Variants in CEP112 observed in about 807,000 individuals in gnomAD.
CEP112 encodes the protein centrosomal protein of 112 kDa.
In CEP112, 127 loss-of-function variants were observed where a neutral mutation model predicts 153.0. The observed-to-expected ratio is 0.83, with a 90% CI of 0.72 to 0.96. The LOEUF is 0.96. CEP112 is among the 40% of genes least tolerant of loss of function. The probability of loss-of-function intolerance (pLI) is 0.00; values close to 1 mark genes in which losing one functional copy is unlikely to be tolerated. For synonymous variants in CEP112, 358 were observed against 374.4 expected (o/e 0.96, Z 0.51); for missense variants, 1,089 against 1,101.2 (o/e 0.99, Z 0.16).
intron 16 of CEP112, among the ~76,000 whole-genome samples, chr17:66,010,214 T>G (rs1381338846): frequency 6.6e-6 from 1 of 152,200 alleles, no homozygotes; most frequent in Non-Finnish European, 1.5e-5. Context: ...TTATTCTTTT[T>G]GTGGCTAATG....
intron 21 of CEP112, among the ~76,000 whole-genome samples, chr17:65,814,482 G>A (rs1264080977): frequency 2.0e-5 from 3 of 152,134 alleles, no homozygotes; most frequent in African/African-American, 7.2e-5. Context: ...AAGAATAAAA[G>A]CACTTAATTT....
chr17:65,936,412 CTCATA>C (rs2061308568), intron 18 of CEP112, among the ~76,000 whole-genome samples: 1 of 152,152 alleles, frequency 6.6e-6, no homozygotes, highest in Non-Finnish European at 1.5e-5. Flanking sequence ...TATTTCCAAA[CTCATA>C]TCATAAGGCC....
chr17:65,734,121 G>C (rs1357347980), intron 23 of CEP112, among the ~76,000 whole-genome samples: 1 of 152,222 alleles, frequency 6.6e-6, no homozygotes, highest in Admixed American at 6.5e-5. Flanking sequence ...TTCGGACTGG[G>C]TGAGGGATTG....
intron 21 of CEP112, among the ~76,000 whole-genome samples, chr17:65,818,002 T>C (rs1027713214): frequency 6.6e-6 from 1 of 151,878 alleles, no homozygotes; most frequent in African/African-American, 2.4e-5. Context: ...ATCCATTAGG[T>C]CCTGATCAAT....
chr17:65,917,960 T>C (rs187766570), intron 19 of CEP112, among the ~76,000 whole-genome samples: 12 of 152,096 alleles, frequency 7.9e-5, no homozygotes, highest in Non-Finnish European at 1.2e-4. Flanking sequence ...GTGGATTGCC[T>C]GAGCTCAGGA....
At chr17:65,800,658 A>G (rs2055212082) in intron 21 of CEP112, among the ~76,000 whole-genome samples, 1 of 152,190 alleles carries the variant, frequency 6.6e-6, no homozygotes, top group African/African-American at 2.4e-5. Flanking sequence ...TTATAATTCT[A>G]AGTTTAATTT....
chr17:65,940,977 T>C lies in CEP112; in HGVS notation c.1873-13288A>G, dbSNP rs576286441. Among the ~76,000 whole-genome samples the C allele has an allele frequency of 8.5e-5, 13 of 152,314 alleles. No homozygotes were observed. The South Asian group carries it at 2.7e-3, about 32-fold the overall frequency. The stretch of plus-strand genomic sequence containing the variant: ...GTGTGCATGTGTGCATTTTGATATA[T>C]GTATCAAAACATCACATTGTATCTC... On this transcript the variant is annotated intron_variant, in intron 18 of 26. Transcript: ENST00000535342.
intron 24 of CEP112, among the ~76,000 whole-genome samples, chr17:65,651,945 C>T (rs763742621): frequency 5.3e-5 from 8 of 152,166 alleles, no homozygotes; most frequent in Non-Finnish European, 1.0e-4. Flanking sequence ...TCAGGTGATC[C>T]GCCTGCCTTG....
chr17:66,027,029 A>G (rs1161568034), intron 16 of CEP112, among the ~76,000 whole-genome samples: 1 of 152,234 alleles, frequency 6.6e-6, no homozygotes, highest in Admixed American at 6.5e-5. Context: ...TTATTATATA[A>G]ACAGGAAAAA....
intron 20 of CEP112, among the ~76,000 whole-genome samples, chr17:65,901,398 G>A (rs1385404271): frequency 6.6e-6 from 1 of 152,116 alleles, no homozygotes; most frequent in African/African-American, 2.4e-5. Flanking sequence ...AAAGGCCCTT[G>A]ATTATATATA....
At chr17:65,980,095 G>A (rs1293544661) in intron 17 of CEP112, among the ~76,000 whole-genome samples, 1 of 152,154 alleles carries the variant, frequency 6.6e-6, no homozygotes, top group East Asian at 1.9e-4. Context: ...TCTCGATACA[G>A]ACCATTTCCA....
Position 65,902,164 on chromosome 17 carries a change from T to C in CEP112, c.2151A>G (p.Lys717=), listed in dbSNP as rs2059891947. ...TATTGATAATTACCTGTGCATCTCGTTTCTTGAACTCCTGAATTTGATTTT... is the reference window on the plus strand; with the variant it reads ...TATTGATAATTACCTGTGCATCTCGCTTCTTGAACTCCTGAATTTGATTTT... ...EHENQIQEFK[K]RDAQVIADME... Residue 717 remains lysine, a synonymous_variant, in exon 20 of 27, where the codon AAA becomes AAG. Coordinates refer to ENST00000535342, the MANE Select transcript of CEP112 (RefSeq NM_001199165.4). The C allele has an allele frequency of 6.2e-7, 1 of 1,613,196 alleles. No individual in the cohort carries two copies.
intron 12 of CEP112, among the ~76,000 whole-genome samples, chr17:66,036,477 G>T (rs910733701): frequency 7.9e-5 from 12 of 152,072 alleles, no homozygotes; most frequent in African/African-American, 2.9e-4. Flanking sequence ...ATGGACCACC[G>T]ACGTATTTTG....
intron 19 of CEP112, among the ~76,000 whole-genome samples, chr17:65,926,151 C>A (rs7222432): frequency 0.037 from 5,675 of 152,264 alleles, 318 homozygotes; most frequent in African/African-American, 0.12. Flanking sequence ...ACAGCAGGAA[C>A]CTTTCTCCCC....
At chr17:65,660,863 A>T (rs917141641) in intron 24 of CEP112, among the ~76,000 whole-genome samples, 3 of 152,076 alleles carry the variant, frequency 2.0e-5, no homozygotes, top group Non-Finnish European at 2.9e-5. Flanking sequence ...TTACAGGAAG[A>T]GAAACCTAAT....
At chr17:65,742,121 T>C (rs2051174036) in intron 23 of CEP112, among the ~76,000 whole-genome samples, 1 of 151,956 alleles carries the variant, frequency 6.6e-6, no homozygotes, top group African/African-American at 2.4e-5. Context: ...AAAGGGAATA[T>C]ATAAAAAGCA....
chr17:66,147,079 G>A (rs1318292846), intron 4 of CEP112, among the ~76,000 whole-genome samples: 1 of 151,880 alleles, frequency 6.6e-6, no homozygotes, highest in African/African-American at 2.4e-5. Context: ...ATTTTTTGAG[G>A]ACTACCATGT....
intron 16 of CEP112, among the ~76,000 whole-genome samples, chr17:66,009,820 A>G (rs552479451): frequency 5.4e-4 from 82 of 152,214 alleles, no homozygotes; most frequent in African/African-American, 1.9e-3. Flanking sequence ...CCATTAATCT[A>G]TGTGTCTGTT....
rs2064243594 is a variant in CEP112, at chr17:66,005,672, C to T, written c.1736+18G>A. ...ATAAAGGGTAGTTTTAAATCAAATG[C>T]ATTACAATTTTACTCACTTCAAAGC... On this transcript the variant is annotated intron_variant, in intron 17 of 26. Transcript: ENST00000535342. The T allele has an allele frequency of 3.7e-6, 6 of 1,601,462 alleles. No individual in the cohort carries two copies. Among genetic ancestry groups the T allele is most frequent in the African/African-American group, 1.3e-5 (1 of 74,266 alleles).
Sources: allele counts gnomAD v4.1 joint callset (sites outside exome capture counted in the v4.1 genomes callset), GRCh38; gene constraint gnomAD v4.1.1; transcripts MANE v1.5; gene names NCBI Gene and HGNC (gene_info 2026-07-23, HGNC 2026-07-21).